The following CNTNAP2 variants were observed in gnomAD, a reference collection of about 807,000 sequenced individuals.
CNTNAP2 encodes contactin-associated protein-like 2.
Under a neutral mutation model 155.2 loss-of-function variants are expected in CNTNAP2, and 98 were observed. That is an observed-to-expected ratio of 0.63 (90% CI 0.54 to 0.75). CNTNAP2 has a LOEUF of 0.75. CNTNAP2 is among the 30% of genes least tolerant of loss of function. The pLI, the probability that CNTNAP2 is intolerant of heterozygous loss-of-function variation, is 0.00. For missense variants in CNTNAP2, 1,727 were observed against 1,688.1 expected, an observed-to-expected ratio of 1.02 and a Z score of -0.40; for synonymous variants, 651 against 631.2, an observed-to-expected ratio of 1.03 and a Z score of -0.47.
intron 11 of CNTNAP2, among the ~76,000 whole-genome samples, chr7:147,487,163 T>C (rs1036362125): frequency 1.3e-5 from 2 of 152,316 alleles, no homozygotes; most frequent in South Asian, 2.1e-4. Context: ...GAATATATTG[T>C]AAAATGTTGA....
chr7:146,370,722 A>G (rs1475686798), intron 1 of CNTNAP2, among the ~76,000 whole-genome samples: 1 of 152,174 alleles, frequency 6.6e-6, no homozygotes, highest in African/African-American at 2.4e-5. Flanking sequence ...GAAACCACAA[A>G]ATAATAAAGA....
chr7:146,770,667 T>A (rs1228753936), intron 1 of CNTNAP2, among the ~76,000 whole-genome samples: 1 of 148,464 alleles, frequency 6.7e-6, no homozygotes, highest in Non-Finnish European at 1.5e-5. Flanking sequence ...ATTTTTAAAT[T>A]TTTAAAAATT....
In CNTNAP2 at chr7:147,734,289, G is replaced by A. The variant is rs191948404; in HGVS notation, c.2098+94983G>A. The stretch of plus-strand genomic sequence containing the variant: ...TTGAGATAATCATGTGGTTTTTGTC[G>A]TTGGTTCTGTTTATATGCTGGATTA... On this transcript the variant is annotated intron_variant, in intron 13 of 23. Transcript: ENST00000361727. Among the ~76,000 whole-genome samples the A allele has an allele frequency of 1.7e-3, 261 of 152,006 alleles. 2 individuals carry two copies. The highest frequency in any genetic ancestry group is 5.7e-3 in the African/African-American group (235 of 41,464).
Position 146,256,754 on chromosome 7 carries a change from C to T in CNTNAP2, c.97+139781C>T, listed in dbSNP as rs368722485. ...TAAAATCCCATGCCTTACCACAACA[C>T]GGCAATGCAGATATTTCCTTCAATT... On this transcript the variant is annotated intron_variant, in intron 1 of 23. Transcript: ENST00000361727. 5.9e-5 allele frequency among the ~76,000 whole-genome samples: 9 copies of T among 151,902 alleles called. No homozygotes were observed. In the East Asian group the frequency reaches 1.5e-3, roughly 26 times the overall value.
intron 18 of CNTNAP2, among the ~76,000 whole-genome samples, chr7:148,183,245 G>A (rs1795067200): frequency 6.6e-6 from 1 of 152,180 alleles, no homozygotes; most frequent in African/African-American, 2.4e-5. Flanking sequence ...CACGCTGAAG[G>A]TTCTACTGGG....
At chr7:146,340,500 A>T (rs1265376367) in intron 1 of CNTNAP2, among the ~76,000 whole-genome samples, 1 of 152,038 alleles carries the variant, frequency 6.6e-6, no homozygotes, top group Non-Finnish European at 1.5e-5. Context: ...TGAATTTTAG[A>T]TAAATAATTT....
At chr7:146,476,083 T>A (rs1006414857) in intron 1 of CNTNAP2, among the ~76,000 whole-genome samples, 13 of 152,284 alleles carry the variant, frequency 8.5e-5, no homozygotes, top group East Asian at 5.8e-4. Flanking sequence ...TGAAATGTGT[T>A]TCCCATTAGG....
chr7:147,048,954 C>T (rs1263264630), intron 4 of CNTNAP2, among the ~76,000 whole-genome samples: 2 of 152,174 alleles, frequency 1.3e-5, no homozygotes, highest in African/African-American at 4.8e-5. Context: ...TTACTAACCA[C>T]ACAGTCTTAG....
chr7:146,565,622 A>G (rs1798346057), intron 1 of CNTNAP2, among the ~76,000 whole-genome samples: 1 of 152,222 alleles, frequency 6.6e-6, no homozygotes, highest in Non-Finnish European at 1.5e-5. Flanking sequence ...AGATGCAGAA[A>G]ACCACTTGTG....
chr7:147,290,982 A>G lies in CNTNAP2; in HGVS notation c.1349-9159A>G, dbSNP rs74845423. ...GCGCAGATCTTAAAAGTACAATTCA[A>G]TGGATTTGGATGAGTATATACACTT... On this transcript the variant is annotated intron_variant, in intron 8 of 23. Coordinates refer to ENST00000361727, the MANE Select transcript of CNTNAP2 (RefSeq NM_014141.6). Among the ~76,000 whole-genome samples the G allele has an allele frequency of 7.9e-3, 1,199 of 152,194 alleles. 20 individuals carry two copies. Among genetic ancestry groups the G allele is most frequent in the African/African-American group, 0.027 (1,137 of 41,528 alleles).
chr7:148,055,736 AGTT>A (rs1802994682), intron 15 of CNTNAP2, among the ~76,000 whole-genome samples: 2 of 30,588 alleles, frequency 6.5e-5, no homozygotes, highest in Non-Finnish European at 1.7e-4. Flanking sequence ...AACACATTGC[AGTT>A]AAGAAGGAAA....
chr7:146,458,402 C>A (rs554169615), intron 1 of CNTNAP2, among the ~76,000 whole-genome samples: 2 of 152,202 alleles, frequency 1.3e-5, no homozygotes, highest in East Asian at 3.9e-4. Context: ...AAAATCCCAT[C>A]TAATACGAAA....
intron 1 of CNTNAP2, among the ~76,000 whole-genome samples, chr7:146,530,964 G>C (rs1419206723): frequency 2.0e-5 from 3 of 152,154 alleles, no homozygotes; most frequent in Non-Finnish European, 4.4e-5. Flanking sequence ...CAAAGACATG[G>C]AATCAACCTA....
chr7:146,983,184 C>A (rs1010924285), intron 3 of CNTNAP2, among the ~76,000 whole-genome samples: 1 of 152,074 alleles, frequency 6.6e-6, no homozygotes, highest in Non-Finnish European at 1.5e-5. Context: ...ACAAAAGCTC[C>A]TAAAAATGGC....
intron 8 of CNTNAP2, among the ~76,000 whole-genome samples, chr7:147,283,580 A>C (rs1805103235): frequency 6.6e-6 from 1 of 151,880 alleles, no homozygotes; most frequent in South Asian, 2.1e-4. Context: ...AGAAAATGAT[A>C]ATTACTCATT....
chr7:146,619,824 T>A (rs952652647), intron 1 of CNTNAP2, among the ~76,000 whole-genome samples: 6 of 152,186 alleles, frequency 3.9e-5, no homozygotes, highest in Non-Finnish European at 7.3e-5. Context: ...GTTTTCTCCA[T>A]TCACTGCCAA....
intron 1 of CNTNAP2, among the ~76,000 whole-genome samples, chr7:146,495,915 G>A (rs1194646317): frequency 6.6e-6 from 1 of 152,126 alleles, no homozygotes; most frequent in African/African-American, 2.4e-5. Flanking sequence ...GTCAAAAAAA[G>A]AGGAAAATGA....
intron 1 of CNTNAP2, among the ~76,000 whole-genome samples, chr7:146,145,190 C>T (rs1267345740): frequency 2.6e-5 from 4 of 152,296 alleles, no homozygotes; most frequent in Non-Finnish European, 4.4e-5. Context: ...ACAGCTCTAT[C>T]CCCCGTGTCC....
At chr7:147,001,504 A>G (rs1798421500) in intron 3 of CNTNAP2, among the ~76,000 whole-genome samples, 1 of 152,128 alleles carries the variant, frequency 6.6e-6, no homozygotes, top group African/African-American at 2.4e-5. Flanking sequence ...AGAGAAAATC[A>G]TAATTGTGGC....
Sources: gnomAD v4.1 joint callset for allele counts (sites outside exome capture counted in the v4.1 genomes callset) on GRCh38, gnomAD v4.1.1 for gene constraint, MANE v1.5 for transcripts, NCBI Gene and HGNC (gene_info 2026-07-23, HGNC 2026-07-21) for gene names.